The following GALNT7 variants were observed in gnomAD, a reference collection of about 807,000 sequenced individuals.
GALNT7 encodes the protein N-acetylgalactosaminyltransferase 7.
GALNT7 carries 60 observed loss-of-function variants against 82.1 expected under a neutral mutation model. That is an observed-to-expected ratio of 0.73 (90% CI 0.59 to 0.91). The LOEUF is 0.91. GALNT7 is among the 40% of genes least tolerant of loss of function. The probability of loss-of-function intolerance (pLI) is 0.00; values close to 1 mark genes in which losing one functional copy is unlikely to be tolerated. For missense variants in GALNT7, 660 were observed against 804.2 expected (o/e 0.82, Z 2.17); for synonymous variants, 243 against 275.1 (o/e 0.88, Z 1.15).
intron 1 of GALNT7, among the ~76,000 whole-genome samples, chr4:173,231,259 C>A (rs911371905): frequency 6.6e-6 from 1 of 152,166 alleles, no homozygotes; most frequent in Non-Finnish European, 1.5e-5. Flanking sequence ...GAATTGGCTT[C>A]TTTGGTGTAA....
In GALNT7 at chr4:173,297,751, T is replaced by C. The variant is rs187428981; in HGVS notation, c.966-364T>C. On this transcript the variant is annotated intron_variant, in intron 5 of 11. Coordinates refer to ENST00000265000, the MANE Select transcript of GALNT7 (RefSeq NM_017423.3). Reference sequence around the variant, plus strand: ...AACGTAGTTAGGCATGCTGAACTAGTCTTGGGTTCTTAAATGCTTTTTCAT... The same window carrying C: ...AACGTAGTTAGGCATGCTGAACTAGCCTTGGGTTCTTAAATGCTTTTTCAT... The C allele has an allele frequency of 9.6e-6, 10 of 1,036,546 alleles. 1 individual carries two copies. The Admixed American group carries it at 3.1e-4, about 32-fold the overall frequency. 64.2% of individuals were successfully genotyped at this position (1,036,546 alleles called of 1,614,324 possible). A position where few individuals can be genotyped will look rare whatever the true frequency, so the allele number is the denominator to read the frequency against.
At chr4:173,232,537 A>G (rs934753587) in intron 1 of GALNT7, among the ~76,000 whole-genome samples, 44 of 151,862 alleles carry the variant, frequency 2.9e-4, no homozygotes, top group Non-Finnish European at 6.0e-4. Context: ...GCCTCAAGCA[A>G]TCCTCCCACC....
intron 9 of GALNT7, chr4:173,316,966 T>C (rs553260902): frequency 1.3e-5 from 2 of 152,266 alleles, no homozygotes; most frequent in Non-Finnish European, 2.9e-5. Context: ...AAACCTGTTA[T>C]CATTATAGGT....
intron 1 of GALNT7, among the ~76,000 whole-genome samples, chr4:173,218,319 A>G (rs1733535343): frequency 6.6e-6 from 1 of 152,200 alleles, no homozygotes; most frequent in Non-Finnish European, 1.5e-5. Context: ...AGTTGGGTAA[A>G]TGGTTTTACT....
intron 9 of GALNT7, chr4:173,315,769 C>T (rs1026172492): frequency 6.6e-6 from 1 of 152,186 alleles, no homozygotes; most frequent in African/African-American, 2.4e-5. Context: ...CAAGTATATC[C>T]AACTGTATGC....
At chr4:173,169,147 C>T (rs1360116748) in intron 1 of GALNT7, 186 bp downstream of exon 1, 7 of 282,002 alleles carry the variant, frequency 2.5e-5, no homozygotes, top group African/African-American at 4.5e-5. Flanking sequence ...CCCTGGCCGC[C>T]GCCGGCCCGC....
At position 173,285,645 on chromosome 4, in the gene GALNT7, T is replaced by C. The variant is rs73872527; in HGVS notation, c.588-6463T>C. ...GCAAAATATTTTATTTCAGTGCTTA[T>C]TATTCTTAGGCCAATTAATTGGCCT... On this transcript the variant is annotated intron_variant, in intron 2 of 11. Transcript: ENST00000265000. Among the ~76,000 whole-genome samples the C allele has an allele frequency of 9.8e-3, 1,499 of 152,372 alleles. 24 individuals carry two copies. The highest frequency in any genetic ancestry group is 0.034 in the African/African-American group (1,421 of 41,582).
intron 1 of GALNT7, among the ~76,000 whole-genome samples, chr4:173,221,448 C>G (rs1733641801): frequency 6.6e-6 from 1 of 152,112 alleles, no homozygotes; most frequent in South Asian, 2.1e-4. Context: ...CTGAATTTTT[C>G]AAATAGAGTA....
chr4:173,245,209 T>G, intron 1 of GALNT7, among the ~76,000 whole-genome samples: 1 of 60,616 alleles, frequency 1.6e-5, no homozygotes, highest in African/African-American at 6.4e-5. Context: ...CAAAGAACCA[T>G]TAAGTCAAAA....
At chr4:173,189,725 G>T (rs1732566237) in intron 1 of GALNT7, among the ~76,000 whole-genome samples, 1 of 152,210 alleles carries the variant, frequency 6.6e-6, no homozygotes, top group Admixed American at 6.5e-5. Context: ...AGGGAATTCT[G>T]TGTACAAAAT....
At chr4:173,318,808 G>C (rs1443491829) in intron 11 of GALNT7, 2 of 288,456 alleles carry the variant, frequency 6.9e-6, no homozygotes, top group Non-Finnish European at 1.3e-5. Flanking sequence ...AAAGAGCACT[G>C]CTAATTTTAG....
At chr4:173,192,486 C>T (rs937512794) in intron 1 of GALNT7, among the ~76,000 whole-genome samples, 1 of 152,160 alleles carries the variant, frequency 6.6e-6, no homozygotes, top group African/African-American at 2.4e-5. Flanking sequence ...TGTGGATCCT[C>T]CCTACTTCTG....
chr4:173,199,149 A>G (rs139179027), intron 1 of GALNT7, among the ~76,000 whole-genome samples: 2 of 152,182 alleles, frequency 1.3e-5, no homozygotes, highest in African/African-American at 4.8e-5. Context: ...TGTGCTAGAT[A>G]CTATGTGCCA....
At chr4:173,312,813 C>T (rs1365397890) in intron 8 of GALNT7, among the ~76,000 whole-genome samples, 3 of 152,170 alleles carry the variant, frequency 2.0e-5, no homozygotes, top group Non-Finnish European at 4.4e-5. Flanking sequence ...AATATCAACA[C>T]TTTGGGAAGC....
intron 1 of GALNT7, among the ~76,000 whole-genome samples, chr4:173,187,421 C>A (rs1732495289): frequency 6.7e-6 from 1 of 149,392 alleles, no homozygotes; most frequent in Non-Finnish European, 1.5e-5. Context: ...AATTACAGAT[C>A]TGAAATTGTC....
intron 1 of GALNT7, among the ~76,000 whole-genome samples, chr4:173,224,635 A>G (rs1227293942): frequency 6.6e-6 from 1 of 152,210 alleles, no homozygotes; most frequent in African/African-American, 2.4e-5. Flanking sequence ...TCATATATAC[A>G]TATATAGTTT....
chr4:173,244,536 C>T (rs1014440861), intron 1 of GALNT7, among the ~76,000 whole-genome samples: 4 of 152,156 alleles, frequency 2.6e-5, no homozygotes, highest in Non-Finnish European at 4.4e-5. Context: ...GACTCTACTA[C>T]ATACTGATTC....
rs184809131 is a variant in GALNT7, at chr4:173,178,998, A to G, written c.126+10037A>G. Among the ~76,000 whole-genome samples the G allele has an allele frequency of 1.1e-4, 16 of 152,350 alleles. No individual in the cohort carries two copies. The East Asian group carries it at 3.1e-3, about 29-fold the overall frequency. On this transcript the variant is annotated intron_variant, in intron 1 of 11. Transcript: ENST00000265000. ...ACATCTGAGCCTCAAGAGGTATGCT[A>G]CTGTCTTCAGTAGTAAACTTAACAT...
chr4:173,273,121 G>C (rs1280396949), intron 2 of GALNT7, among the ~76,000 whole-genome samples: 1 of 152,154 alleles, frequency 6.6e-6, no homozygotes, highest in East Asian at 1.9e-4. Flanking sequence ...GTTGAAATTT[G>C]CTTTTGGAAA....
Sources: allele counts gnomAD v4.1 joint callset (sites outside exome capture counted in the v4.1 genomes callset), GRCh38; gene constraint gnomAD v4.1.1; transcripts MANE v1.5; gene names NCBI Gene and HGNC (gene_info 2026-07-23, HGNC 2026-07-21).